Variants in COL4A4 observed in about 807,000 individuals in gnomAD.
The protein encoded by COL4A4 is collagen type IV alpha 4 chain.
In COL4A4, 105 loss-of-function variants were observed where a neutral mutation model predicts 192.9. The observed-to-expected ratio is 0.54, with a 90% CI of 0.46 to 0.64. The LOEUF is 0.64. COL4A4 is among the 30% of genes least tolerant of loss of function. The pLI is 0.00. For synonymous variants in COL4A4, 762 were observed against 769.9 expected (o/e 0.99, Z 0.17); for missense variants, 1,967 against 2,169.3 (o/e 0.91, Z 1.85).
intron 25 of COL4A4, among the ~76,000 whole-genome samples, chr2:227,067,999 G>A (rs1323907240): frequency 7.0e-6 from 1 of 143,602 alleles, no homozygotes; most frequent in African/African-American, 2.6e-5. Context: ...AAAGAGAGAA[G>A]AATCAAATAG....
At chr2:227,007,662 A>G in intron 47 of COL4A4, 74 bp from the exon 48 acceptor site, 3 of 1,588,370 alleles carry the variant, frequency 1.9e-6, no homozygotes, top group South Asian at 2.2e-5. Context: ...GGACACACCC[A>G]GGTTTGGGTC....
chr2:227,006,314 A>G lies in COL4A4; in HGVS notation c.*1011T>C, dbSNP rs1270958374. 1 of 152,664 alleles carries G rather than the reference A, an allele frequency of 6.6e-6. No individual in the cohort carries two copies. 9.5% of individuals were successfully genotyped at this position (152,664 alleles called of 1,614,324 possible). ...GCAAAGTGTCCGTTGTGAGTGCAAG[A>G]AGCTGTGCAGGCTCTCCTGGGGAGG... On this transcript the variant is annotated 3_prime_UTR_variant, in exon 48 of 48. Coordinates refer to ENST00000396625, the MANE Select transcript of COL4A4 (RefSeq NM_000092.5).
At chr2:226,989,017 A>C in the COL4A4 span, among the ~76,000 whole-genome samples, 32 of 152,370 alleles carry the variant, frequency 2.1e-4, no homozygotes, top group African/African-American at 6.7e-4. Flanking sequence ...GCAATAATAC[A>C]TTCTGGAGGT....
chr2:227,098,880 T>TC, intron 18 of COL4A4, 82 bp from the exon 19 acceptor site: 1 of 1,136,232 alleles, frequency 8.8e-7, no homozygotes, highest in South Asian at 1.3e-5. Context: ...TTTGTGAGAC[T>TC]CAGTAAAGTA....
intron 4 of COL4A4, 71 bp from the exon 5 acceptor site, chr2:227,121,219 C>T (rs2125039754): frequency 6.6e-7 from 1 of 1,518,488 alleles, no homozygotes; most frequent in Middle Eastern, 1.8e-4. Context: ...AACATATACT[C>T]ATTCAGGCCT....
intron 17 of COL4A4, among the ~76,000 whole-genome samples, 180 bp downstream of exon 17, chr2:227,101,324 A>ATAT (rs1374498880): frequency 6.6e-6 from 1 of 152,160 alleles, no homozygotes; most frequent in African/African-American, 2.4e-5. Context: ...CCAGTCTTGG[A>ATAT]TATGTCTTTA....
At chr2:227,051,929 G>A (rs928878969) in intron 32 of COL4A4, among the ~76,000 whole-genome samples, 2 of 152,116 alleles carry the variant, frequency 1.3e-5, no homozygotes, top group African/African-American at 2.4e-5. Flanking sequence ...AGTGGTTCAC[G>A]CCTGTAATCC....
At chr2:227,099,066 C>CTGTTTT (rs753926817) in intron 18 of COL4A4, among the ~76,000 whole-genome samples, 6 of 152,030 alleles carry the variant, frequency 3.9e-5, no homozygotes, top group Admixed American at 6.6e-5. Flanking sequence ...TCAAATAGTT[C>CTGTTTT]TGTTTTTGTT....
intron 34 of COL4A4, among the ~76,000 whole-genome samples, chr2:227,048,235 T>TA: frequency 6.6e-6 from 1 of 152,224 alleles, no homozygotes; most frequent in East Asian, 1.9e-4. Context: ...TATCTTATAG[T>TA]AACTGCCCAT....
At chr2:227,047,731 C>CCACACACACACACACACACACACA in intron 34 of COL4A4, among the ~76,000 whole-genome samples, 182 bp from the exon 35 acceptor site, 1 of 146,342 alleles carries the variant, frequency 6.8e-6, no homozygotes, top group Admixed American at 6.9e-5. Context: ...AATTTACATA[C>CCACACACACACACACACACACACA]CACACACACA....
intron 23 of COL4A4, among the ~76,000 whole-genome samples, chr2:227,081,441 G>T (rs890960406): frequency 6.6e-6 from 1 of 152,166 alleles, no homozygotes; most frequent in South Asian, 2.1e-4. Context: ...TCAGTGGTTT[G>T]CCAGGGCTCT....
At chr2:227,106,979 C>T (rs191362454) in intron 12 of COL4A4, among the ~76,000 whole-genome samples, 111 of 152,336 alleles carry the variant, frequency 7.3e-4, no homozygotes, top group Non-Finnish European at 2.8e-4. Flanking sequence ...AGTTATTCCA[C>T]AGCCTGAGTT....
rs956791692 is a variant in COL4A4, at chr2:227,003,692, T to A, written c.*3633A>T. ...CACCAATAACATGTACACAAACGTT[T>A]AGCAAAGATTTTATGCTAGGAAGCT... On this transcript the variant is annotated 3_prime_UTR_variant, in exon 48 of 48. Transcript: ENST00000396625. 1.3e-5 allele frequency: 2 copies of A among 152,198 alleles called. No individual in the cohort carries two copies. The highest frequency in any genetic ancestry group is 6.5e-5 in the Admixed American group (1 of 15,278). 9.4% of individuals were successfully genotyped at this position (152,198 alleles called of 1,614,324 possible).
At chr2:226,999,944 T>C (rs1960509716), downstream of COL4A4, among the ~76,000 whole-genome samples, 1 of 152,212 alleles carries the variant, frequency 6.6e-6, no homozygotes, top group African/African-American at 2.4e-5. Flanking sequence ...CTTAGATAAC[T>C]TGTTTAGTGC....
At chr2:227,041,794 AAGAAAGAAAGG>A (rs1971091708) in intron 37 of COL4A4, among the ~76,000 whole-genome samples, 1 of 55,882 alleles carries the variant, frequency 1.8e-5, no homozygotes, top group African/African-American at 8.5e-5. Context: ...AAGGGAAAGA[AAGAAAGAAAGG>A]AAGAAAGAAA....
At chr2:227,002,168 CAAAAA>C (rs55908824), downstream of COL4A4, among the ~76,000 whole-genome samples, 33 of 76,164 alleles carry the variant, frequency 4.3e-4, no homozygotes, top group Admixed American at 9.2e-4. Flanking sequence ...GACCCTGTCT[CAAAAA>C]AAAAAAAAAA....
At chr2:227,151,205 C>T (rs2063919157) in intron 1 of COL4A4, among the ~76,000 whole-genome samples, 1 of 152,042 alleles carries the variant, frequency 6.6e-6, no homozygotes, top group Non-Finnish European at 1.5e-5. Context: ...ATATATTGAT[C>T]ACATTATTAT....
At chr2:227,129,502 C>A (rs1301106371) in intron 4 of COL4A4, among the ~76,000 whole-genome samples, 1 of 151,800 alleles carries the variant, frequency 6.6e-6, no homozygotes, top group Non-Finnish European at 1.5e-5. Context: ...CTCTGCCTCC[C>A]AGTTCAAGCA....
intron 25 of COL4A4, among the ~76,000 whole-genome samples, chr2:227,070,732 G>C (rs1258827575): frequency 7.8e-6 from 1 of 128,218 alleles, no homozygotes; most frequent in African/African-American, 2.8e-5. Flanking sequence ...GGTGGGGGGA[G>C]GGGGGAGGGG....
Sources: gnomAD v4.1 joint callset for allele counts (sites outside exome capture counted in the v4.1 genomes callset) on GRCh38, gnomAD v4.1.1 for gene constraint, MANE v1.5 for transcripts, NCBI Gene and HGNC (gene_info 2026-07-23, HGNC 2026-07-21) for gene names.